GALNT13: variants seen among roughly 807,000 people sequenced by gnomAD.
The protein encoded by GALNT13 is UDP-GalNAc:polypeptide N-acetylgalactosaminyltransferase 13.
Under a neutral mutation model 64.2 loss-of-function variants are expected in GALNT13, and 28 were observed. The ratio of observed to expected loss-of-function variants is 0.44; its 90% CI spans 0.32 to 0.60. GALNT13 has a LOEUF of 0.60. Ranked by LOEUF, GALNT13 falls within the 20% of genes least tolerant of loss-of-function variation. GALNT13 has a pLI of 0.05. For missense variants in GALNT13, 577 were observed against 669.8 expected (o/e 0.86, Z 1.53); for synonymous variants, 214 against 224.6 (o/e 0.95, Z 0.42).
chr2:153,406,852 A>T, the GALNT13 span, among the ~76,000 whole-genome samples: 731 of 152,350 alleles, frequency 4.8e-3, 4 homozygotes, highest in African/African-American at 0.017. Flanking sequence ...GTAATTAATT[A>T]TAATAATGTT....
chr2:153,322,069 A>G, the GALNT13 span, among the ~76,000 whole-genome samples: 1 of 151,484 alleles, frequency 6.6e-6, no homozygotes, highest in African/African-American at 2.4e-5. Flanking sequence ...ATACATGTGA[A>G]GGTTTGTTAC....
the GALNT13 span, among the ~76,000 whole-genome samples, chr2:153,433,546 A>C: frequency 3.3e-5 from 5 of 152,142 alleles, no homozygotes; most frequent in Admixed American, 1.3e-4. Context: ...ACTATTCCAC[A>C]TAACTTCTAA....
At chr2:153,563,583 G>A in the GALNT13 span, among the ~76,000 whole-genome samples, 1 of 152,032 alleles carries the variant, frequency 6.6e-6, no homozygotes, top group African/African-American at 2.4e-5. Flanking sequence ...CTGTTTTGTT[G>A]TAATTATAAA....
At chr2:153,722,714 T>C in the GALNT13 span, among the ~76,000 whole-genome samples, 1 of 152,308 alleles carries the variant, frequency 6.6e-6, no homozygotes, top group Non-Finnish European at 1.5e-5. Flanking sequence ...AAGAAACGGA[T>C]ACATTCCTTG....
At chr2:154,130,661 TAATA>T (rs1027303434) in intron 3 of GALNT13, among the ~76,000 whole-genome samples, 5 of 152,304 alleles carry the variant, frequency 3.3e-5, no homozygotes, top group Middle Eastern at 3.4e-3. Flanking sequence ...TGAAGGTTTA[TAATA>T]AATAAAATGT....
At chr2:154,181,398 A>T (rs977763094) in intron 4 of GALNT13, among the ~76,000 whole-genome samples, 1 of 152,150 alleles carries the variant, frequency 6.6e-6, no homozygotes, top group African/African-American at 2.4e-5. Flanking sequence ...ACTTATGTTT[A>T]TAGCATTTCT....
chr2:153,959,225 A>G (rs7569421), intron 3 of GALNT13, among the ~76,000 whole-genome samples: 38,700 of 152,046 alleles, frequency 0.25, 6,856 homozygotes, highest in East Asian at 0.82. Context: ...AGAGTTACTG[A>G]GTGTCAACCA....
intron 2 of GALNT13, among the ~76,000 whole-genome samples, chr2:153,904,331 T>C (rs1688423436): frequency 1.3e-5 from 2 of 151,974 alleles, no homozygotes; most frequent in Admixed American, 1.3e-4. Context: ...TATATTTCTC[T>C]TGAATATATA....
the GALNT13 span, among the ~76,000 whole-genome samples, chr2:153,675,352 A>T: frequency 6.6e-5 from 10 of 152,232 alleles, no homozygotes; most frequent in Admixed American, 4.6e-4. Context: ...TACACCATGG[A>T]ATACTATGCA....
At chr2:154,449,933 CA>C (rs1472320073) in intron 12 of GALNT13, among the ~76,000 whole-genome samples, 1 of 152,016 alleles carries the variant, frequency 6.6e-6, no homozygotes, top group Non-Finnish European at 1.5e-5. Context: ...CTTACAGTCA[CA>C]GATACTATAG....
the GALNT13 span, among the ~76,000 whole-genome samples, chr2:153,071,340 C>T: frequency 3.0e-4 from 46 of 152,158 alleles, no homozygotes; most frequent in Non-Finnish European, 5.9e-5. Flanking sequence ...GTGTTCTCAT[C>T]TCTTACATGA....
chr2:153,697,749 G>A, the GALNT13 span, among the ~76,000 whole-genome samples: 2 of 152,174 alleles, frequency 1.3e-5, no homozygotes, highest in Admixed American at 6.5e-5. Flanking sequence ...AAGAATGCTG[G>A]CTTTCAATCT....
the GALNT13 span, among the ~76,000 whole-genome samples, chr2:153,664,420 GCT>G: frequency 6.6e-6 from 1 of 152,096 alleles, no homozygotes; most frequent in Non-Finnish European, 1.5e-5. Context: ...CCTGAAAATC[GCT>G]GTTATCCTGT....
chr2:153,660,717 G>T, the GALNT13 span, among the ~76,000 whole-genome samples: 4 of 151,880 alleles, frequency 2.6e-5, no homozygotes, highest in Non-Finnish European at 5.9e-5. Context: ...TGTTCTGTGT[G>T]TCATTTTAAC....
the GALNT13 span, among the ~76,000 whole-genome samples, chr2:153,554,807 G>C: frequency 1.3e-5 from 2 of 152,074 alleles, no homozygotes; most frequent in Non-Finnish European, 2.9e-5. Context: ...ATTTAAGTCG[G>C]ATCCTCCTAA....
At chr2:154,444,237 A>G (rs1268536380) in intron 12 of GALNT13, among the ~76,000 whole-genome samples, 1 of 152,164 alleles carries the variant, frequency 6.6e-6, no homozygotes, top group Non-Finnish European at 1.5e-5. Context: ...CTAAGGGTTG[A>G]TATACCTAAT....
the GALNT13 span, among the ~76,000 whole-genome samples, chr2:153,243,044 T>A: frequency 6.6e-6 from 1 of 152,228 alleles, no homozygotes; most frequent in African/African-American, 2.4e-5. Context: ...AAGGGATGGC[T>A]AATATCAGTT....
chr2:153,363,973 A>G, the GALNT13 span, among the ~76,000 whole-genome samples: 10 of 152,112 alleles, frequency 6.6e-5, no homozygotes, highest in African/African-American at 2.4e-4. Context: ...GATGAACATC[A>G]ACACGAAAAT....
the GALNT13 span, among the ~76,000 whole-genome samples, chr2:153,555,445 C>T: frequency 9.6e-6 from 1 of 104,712 alleles, no homozygotes; most frequent in East Asian, 2.6e-4. Flanking sequence ...CCGCCCGCCT[C>T]GGCCTCCCAA....
Sources: gnomAD v4.1 joint callset for allele counts (sites outside exome capture counted in the v4.1 genomes callset) on GRCh38, gnomAD v4.1.1 for gene constraint, MANE v1.5 for transcripts, NCBI Gene and HGNC (gene_info 2026-07-23, HGNC 2026-07-21) for gene names.